PRCP: variants seen among roughly 807,000 people sequenced by gnomAD.
PRCP encodes the protein prolylcarboxypeptidase.
In PRCP, 46 loss-of-function variants were observed where a neutral mutation model predicts 54.2. That is an observed-to-expected ratio of 0.85 (90% confidence interval 0.67 to 1.09). PRCP has a LOEUF of 1.09. Among genes scored for constraint, PRCP ranks in the 50% least tolerant of loss-of-function variants. The pLI is 0.00. For synonymous variants in PRCP, 240 were observed against 212.2 expected, an observed-to-expected ratio of 1.13 and a Z score of -1.14; for missense variants, 613 against 596.8, an observed-to-expected ratio of 1.03 and a Z score of -0.28.
intron 8 of PRCP, among the ~76,000 whole-genome samples, chr11:82,837,939 C>T (rs1425355091): frequency 6.6e-6 from 1 of 152,114 alleles, no homozygotes; most frequent in Non-Finnish European, 1.5e-5. Context: ...AAAAAAGGGG[C>T]TATAAAAACT....
intron 1 of PRCP, among the ~76,000 whole-genome samples, chr11:82,867,587 C>T (rs1442572939): frequency 6.6e-6 from 1 of 152,222 alleles, no homozygotes; most frequent in East Asian, 1.9e-4. Context: ...AGAAGAATTA[C>T]CGGGCCACAG....
At position 82,900,299 on chromosome 11, in the gene PRCP, G is replaced by A; in HGVS notation, c.104C>T (p.Pro35Leu). Reference protein sequence around the residue: ...ALRALGSLHLPTNPTSLPAVA... With the variant: ...ALRALGSLHLLTNPTSLPAVA... Reference sequence around the variant, plus strand: ...AGCCGGGAGGGATGTGGGGTTGGTTGGCAAGTGTAGGCTGCCGAGGGCCCT... The same window carrying A: ...AGCCGGGAGGGATGTGGGGTTGGTTAGCAAGTGTAGGCTGCCGAGGGCCCT... The change falls in exon 1 of 9, where the codon CCA (proline) becomes CTA (leucine). Residue 35 changes from proline (P) to leucine (L), a missense_variant. Physicochemically the swap from Pro to Leu is moderately conservative, Grantham distance 98 (BLOSUM62 -3). Coordinates refer to ENST00000313010, the MANE Select transcript of PRCP (RefSeq NM_005040.4). 3 of 1,614,254 alleles carry A rather than the reference G, an allele frequency of 1.9e-6. No individual in the cohort carries two copies. The highest frequency in any genetic ancestry group is 2.2e-5 in the East Asian group (1 of 44,890).
intron 3 of PRCP, 101 bp downstream of exon 3, chr11:82,853,076 C>A: frequency 1.3e-6 from 1 of 743,816 alleles, no homozygotes; most frequent in African/African-American, 1.8e-5. Context: ...AGCTTTTAGG[C>A]ATTTCAAATT....
intron 3 of PRCP, among the ~76,000 whole-genome samples, chr11:82,851,867 T>G (rs1440178019): frequency 6.6e-6 from 1 of 152,198 alleles, no homozygotes; most frequent in Non-Finnish European, 1.5e-5. Context: ...CCAAGATGTA[T>G]GCCTTCTTAC....
intron 1 of PRCP, among the ~76,000 whole-genome samples, chr11:82,882,518 C>T (rs146129881): frequency 0.15 from 19,437 of 130,360 alleles, 1,491 homozygotes; most frequent in Middle Eastern, 0.22. Flanking sequence ...TTTTTTGAGA[C>T]GGAGTCTCGC....
chr11:82,829,842 T>C (rs1452217536), intron 8 of PRCP: 1 of 152,232 alleles, frequency 6.6e-6, no homozygotes, highest in Non-Finnish European at 1.5e-5. Context: ...AATACACGTA[T>C]GCAAGTTCAT....
chr11:82,899,718 T>A (rs1860208102), intron 1 of PRCP, among the ~76,000 whole-genome samples: 1 of 152,070 alleles, frequency 6.6e-6, no homozygotes, highest in Non-Finnish European at 1.5e-5. Context: ...GAATAGGGAC[T>A]GTCAACAATT....
At chr11:82,899,190 C>T (rs1591079592) in intron 1 of PRCP, among the ~76,000 whole-genome samples, 2 of 152,210 alleles carry the variant, frequency 1.3e-5, no homozygotes, top group African/African-American at 4.8e-5. Context: ...AGCCTTGTCT[C>T]TGCACAATTA....
chr11:82,841,230 C>T (rs1858659802), intron 6 of PRCP, among the ~76,000 whole-genome samples: 1 of 150,068 alleles, frequency 6.7e-6, no homozygotes, highest in African/African-American at 2.5e-5. Flanking sequence ...AACCCAGCCC[C>T]TCATCACAGT....
At chr11:82,900,170 G>C in intron 1 of PRCP, 65 bp downstream of exon 1, 1 of 1,570,128 alleles carries the variant, frequency 6.4e-7, no homozygotes, top group Admixed American at 1.8e-5. Flanking sequence ...TCCGTTGCCC[G>C]GGCTCTGAGG....
intron 2 of PRCP, among the ~76,000 whole-genome samples, chr11:82,855,462 C>CA (rs1341397728): frequency 2.0e-5 from 3 of 151,850 alleles, no homozygotes; most frequent in African/African-American, 7.3e-5. Flanking sequence ...ACTAAAAATG[C>CA]AAAAAACTTA....
intron 6 of PRCP, 138 bp downstream of exon 6, chr11:82,848,911 C>T: frequency 1.2e-6 from 1 of 827,384 alleles, no homozygotes; most frequent in Non-Finnish European, 1.8e-6. Flanking sequence ...AGTAGCAGAA[C>T]CCAGGATTCC....
At chr11:82,866,638 C>T (rs1204399144) in intron 1 of PRCP, among the ~76,000 whole-genome samples, 1 of 152,110 alleles carries the variant, frequency 6.6e-6, no homozygotes, top group Non-Finnish European at 1.5e-5. Flanking sequence ...CCCCAGCCTC[C>T]TATACTCAGA....
upstream of PRCP, chr11:82,900,572 A>G (rs1860258908): frequency 1.1e-6 from 1 of 875,590 alleles, no homozygotes; most frequent in East Asian, 2.6e-5. Context: ...CCAGGTCACC[A>G]CAGCCACTCC....
intron 1 of PRCP, among the ~76,000 whole-genome samples, chr11:82,897,870 A>T (rs1319970713): frequency 6.6e-6 from 1 of 152,234 alleles, no homozygotes; most frequent in African/African-American, 2.4e-5. Flanking sequence ...ATAGAAGGAC[A>T]GCTGGGTCCA....
At chr11:82,884,963 A>G (rs1859832337) in intron 1 of PRCP, 7 of 1,569,788 alleles carry the variant, frequency 4.5e-6, no homozygotes, top group Non-Finnish European at 6.0e-6. Flanking sequence ...AGCTCAAACA[A>G]TATATGCCAT....
intron 2 of PRCP, among the ~76,000 whole-genome samples, chr11:82,854,496 C>T (rs1475459382): frequency 6.6e-6 from 1 of 151,998 alleles, no homozygotes; most frequent in Non-Finnish European, 1.5e-5. Context: ...TGCTGAAAGG[C>T]ATCAGAAACA....
At chr11:82,894,243 TTATTA>T (rs1215131528) in intron 1 of PRCP, among the ~76,000 whole-genome samples, 4 of 152,196 alleles carry the variant, frequency 2.6e-5, no homozygotes, top group South Asian at 4.1e-4. Context: ...ACACAATGTT[TTATTA>T]TATTATAATA....
In PRCP at chr11:82,900,244, G is replaced by T; in HGVS notation, c.159C>A (p.Phe53Leu). Residue 53 changes from phenylalanine (F) to leucine (L), a missense_variant, in exon 1 of 9, where the codon TTC becomes TTA. Phe to Leu is a conservative substitution (Grantham distance 22, BLOSUM62 0). Transcript: ENST00000313010. ...CCCCGCTCCCCCTTACCTTCTGTTG[G>T]AAGTAGAGAACCGAATAGTTCTTGG... The part of the protein sequence containing the change: ...AVAKNYSVLY[F>L]QQKVDHFGFN... 6.2e-7 allele frequency: 1 copy of T among 1,614,182 alleles called. No homozygotes were observed. Among genetic ancestry groups the T allele is most frequent in the Non-Finnish European group, 8.5e-7 (1 of 1,180,002 alleles).
Sources: allele counts gnomAD v4.1 joint callset (sites outside exome capture counted in the v4.1 genomes callset), GRCh38; gene constraint gnomAD v4.1.1; transcripts MANE v1.5; gene names NCBI Gene and HGNC (gene_info 2026-07-23, HGNC 2026-07-21).